CCDC6: variants seen among roughly 807,000 people sequenced by gnomAD.
CCDC6 encodes coiled-coil domain containing 6.
In CCDC6, 20 loss-of-function variants were observed where a neutral mutation model predicts 56.6. The ratio of observed to expected loss-of-function variants is 0.35; its 90% CI spans 0.25 to 0.51. CCDC6 has a LOEUF of 0.51. Ranked by LOEUF, CCDC6 falls within the 20% of genes least tolerant of loss-of-function variation. CCDC6 has a pLI of 0.95. For missense variants in CCDC6, 367 were observed against 601.1 expected (o/e 0.61, Z 4.07); for synonymous variants, 241 against 234.4 (o/e 1.03, Z -0.26).
In CCDC6 at chr10:59,906,310, C is replaced by T. The variant is rs1206542697; in HGVS notation, c.115G>A (p.Gly39Arg). The T allele has an allele frequency of 1.2e-6, 2 of 1,601,234 alleles. No homozygotes were observed. Among genetic ancestry groups the T allele is most frequent in the Non-Finnish European group, 1.7e-6 (2 of 1,178,594 alleles). The change falls in exon 1 of 9, where the codon GGA becomes AGA. Residue 39 changes from glycine to arginine, a missense_variant. Transcript: ENST00000263102. ...CCCGACTTCCCACCGCCGCCGCCTC[C>T]CCCGCCGCCACCGCCGCCGCCCGAG... The part of the protein sequence containing the change: ...STSGGGGGGG[G>R]GGGGGKSGGI...
At chr10:59,800,210 TATA>T (rs1413755414) in intron 7 of CCDC6, among the ~76,000 whole-genome samples, 1 of 152,194 alleles carries the variant, frequency 6.6e-6, no homozygotes, top group Non-Finnish European at 1.5e-5. Flanking sequence ...TTGACATTGG[TATA>T]ATATTAGTAA....
intron 2 of CCDC6, among the ~76,000 whole-genome samples, chr10:59,842,267 G>T (rs1263126454): frequency 6.6e-6 from 1 of 151,178 alleles, no homozygotes; most frequent in Non-Finnish European, 1.5e-5. Flanking sequence ...GGCTAGTCTT[G>T]AACTCCTGAC....
intron 3 of CCDC6, among the ~76,000 whole-genome samples, chr10:59,816,035 G>A (rs557792709): frequency 2.6e-5 from 4 of 152,224 alleles, no homozygotes; most frequent in East Asian, 1.9e-4. Context: ...TCAACCTCCC[G>A]AGATGGTTAG....
chr10:59,855,431 G>A (rs1039997207), intron 1 of CCDC6, among the ~76,000 whole-genome samples: 3 of 152,156 alleles, frequency 2.0e-5, no homozygotes, highest in African/African-American at 7.2e-5. Context: ...GCTGAGCATG[G>A]TGGTGAGCGC....
intron 1 of CCDC6, among the ~76,000 whole-genome samples, chr10:59,872,535 C>T (rs965275103): frequency 3.9e-5 from 6 of 151,982 alleles, no homozygotes; most frequent in South Asian, 2.1e-4. Flanking sequence ...CCAATTCCTC[C>T]GAAGAAGTAA....
At chr10:59,889,090 C>T (rs540646389) in intron 1 of CCDC6, among the ~76,000 whole-genome samples, 2 of 152,226 alleles carry the variant, frequency 1.3e-5, no homozygotes, top group East Asian at 1.9e-4. Flanking sequence ...TGGCACTGCC[C>T]ATGAATTCCT....
chr10:59,888,200 C>T (rs796886919), intron 1 of CCDC6, among the ~76,000 whole-genome samples: 4 of 152,300 alleles, frequency 2.6e-5, no homozygotes, highest in African/African-American at 7.2e-5. Context: ...CACATAGCAC[C>T]GCACCAGACT....
chr10:59,857,675 AT>A (rs111786597), intron 1 of CCDC6, among the ~76,000 whole-genome samples: 5,105 of 147,934 alleles, frequency 0.035, 276 homozygotes, highest in African/African-American at 0.12. Context: ...ATTTGCACAG[AT>A]TTTTTTTTTT....
chr10:59,792,868 C>T lies in CCDC6; in HGVS notation c.*49G>A, dbSNP rs371873917. ...AAGGAAGCCTTTGGCGTTGAGTAGA[C>T]GGCTCCATTGGATGAGTCCCAACTT... is the stretch of plus-strand genomic sequence containing the variant. On this transcript the variant is annotated 3_prime_UTR_variant, in exon 9 of 9. Transcript: ENST00000263102. The T allele has an allele frequency of 1.1e-5, 18 of 1,577,836 alleles. No homozygotes were observed. The highest frequency in any genetic ancestry group is 3.3e-5 in the South Asian group (3 of 90,374).
rs776459376 is a variant in CCDC6 at position 59,852,620 on chromosome 10, G to T, written c.386C>A (p.Thr129Asn). Residue 129 changes from threonine (T) to asparagine (N), a missense_variant, in exon 2 of 9, where the codon ACC becomes AAC. Coordinates refer to ENST00000263102, the MANE Select transcript of CCDC6 (RefSeq NM_005436.5). ...KIQALQKEKE[T>N]LAVNYEKEEE... is the part of the protein sequence containing the mutation. ...TTCTTTCTCATAATTTACAGCAAGG[G>T]TTTCTTTCTCCTTCTGCAAAGCCTG... The T allele has an allele frequency of 1.2e-6, 2 of 1,604,870 alleles. No homozygotes were observed. Among genetic ancestry groups the T allele is most frequent in the Non-Finnish European group, 1.7e-6 (2 of 1,176,302 alleles).
rs1197079014 is a variant in CCDC6, at chr10:59,882,521, G to C, written c.303+23601C>G. Among the ~76,000 whole-genome samples the C allele has an allele frequency of 4.1e-3, 23 of 5,662 alleles. 10 individuals are homozygous for C. Among genetic ancestry groups the C allele is most frequent in the Admixed American group, 8.4e-3 (6 of 718 alleles). 3.7% of individuals were successfully genotyped at this position (5,662 alleles called of 152,430 possible). A position where few individuals can be genotyped will look rare whatever the true frequency, so the allele number is the denominator to read the frequency against. ...CGGGGGGAGAAGGAAAGGAAAGCCAGGGGGAGAAGGAAAGGAAAGCCGCGG... is the reference window on the plus strand; with the variant it reads ...CGGGGGGAGAAGGAAAGGAAAGCCACGGGGAGAAGGAAAGGAAAGCCGCGG... On this transcript the variant is annotated intron_variant, in intron 1 of 8. Coordinates refer to ENST00000263102, the MANE Select transcript of CCDC6 (RefSeq NM_005436.5).
chr10:59,897,974 C>T (rs963240171), intron 1 of CCDC6, among the ~76,000 whole-genome samples: 3 of 152,210 alleles, frequency 2.0e-5, no homozygotes, highest in East Asian at 1.9e-4. Flanking sequence ...TGGACACACA[C>T]CTGGCACCAC....
At chr10:59,795,996 A>G (rs1197202870) in intron 7 of CCDC6, among the ~76,000 whole-genome samples, 1 of 152,172 alleles carries the variant, frequency 6.6e-6, no homozygotes, top group Non-Finnish European at 1.5e-5. Context: ...ATACCCAGTA[A>G]TGGGATGGCT....
chr10:59,871,155 G>A (rs1260525510), intron 1 of CCDC6, among the ~76,000 whole-genome samples: 1 of 152,088 alleles, frequency 6.6e-6, no homozygotes, highest in African/African-American at 2.4e-5. Context: ...TATACATGAG[G>A]AGAGTTTATA....
chr10:59,808,283 G>A (rs1344173239), intron 5 of CCDC6, among the ~76,000 whole-genome samples: 1 of 152,138 alleles, frequency 6.6e-6, no homozygotes, highest in Non-Finnish European at 1.5e-5. Flanking sequence ...TGGGGATCCA[G>A]GGTCTGCTTC....
chr10:59,830,622 C>T (rs1329644089), intron 3 of CCDC6, among the ~76,000 whole-genome samples: 4 of 152,128 alleles, frequency 2.6e-5, no homozygotes, highest in African/African-American at 9.7e-5. Context: ...TCTTTACCAT[C>T]GAGGACTGAA....
At chr10:59,879,702 C>G (rs1169029118) in intron 1 of CCDC6, among the ~76,000 whole-genome samples, 1 of 152,214 alleles carries the variant, frequency 6.6e-6, no homozygotes, top group Non-Finnish European at 1.5e-5. Context: ...ATCGCTCCCA[C>G]TTTCTGAAAA....
At chr10:59,824,520 C>T (rs555936933) in intron 3 of CCDC6, among the ~76,000 whole-genome samples, 5 of 152,228 alleles carry the variant, frequency 3.3e-5, no homozygotes, top group African/African-American at 7.2e-5. Flanking sequence ...ACTGTGGATT[C>T]GCTATAATCA....
At chr10:59,851,131 G>GAAAAAAAAAA (rs372606692) in intron 2 of CCDC6, among the ~76,000 whole-genome samples, 3 of 46,722 alleles carry the variant, frequency 6.4e-5, no homozygotes, top group Admixed American at 3.1e-4. Context: ...CATGTAAATT[G>GAAAAAAAAAA]AAAAAAAAAA....
Sources: gnomAD v4.1 joint callset for allele counts (sites outside exome capture counted in the v4.1 genomes callset) on GRCh38, gnomAD v4.1.1 for gene constraint, MANE v1.5 for transcripts, NCBI Gene and HGNC (gene_info 2026-07-23, HGNC 2026-07-21) for gene names.